The following TENM2 variants were observed in gnomAD, a reference collection of about 807,000 sequenced individuals.
TENM2 encodes the protein teneurin-2.
TENM2 carries 52 observed loss-of-function variants against 245.2 expected under a neutral mutation model. That is an observed-to-expected ratio of 0.21 (90% confidence interval 0.17 to 0.27). The LOEUF is 0.27. Among genes scored for constraint, TENM2 ranks in the 10% least tolerant of loss-of-function variants. The pLI is 1.00. For missense variants in TENM2, 3,046 were observed against 3,666.8 expected (o/e 0.83, Z 4.37); for synonymous variants, 1,363 against 1,438.9 (o/e 0.95, Z 1.19).
chr5:167,886,491 T>C (rs1192419883), intron 3 of TENM2, among the ~76,000 whole-genome samples: 1 of 152,190 alleles, frequency 6.6e-6, no homozygotes, highest in Non-Finnish European at 1.5e-5. Context: ...GCATCTTTTA[T>C]AGTAAGAAGT....
chr5:167,365,400 A>G (rs1581851588), intron 1 of TENM2, among the ~76,000 whole-genome samples: 1 of 146,500 alleles, frequency 6.8e-6, no homozygotes, highest in East Asian at 1.9e-4. Context: ...AAAAACTCAA[A>G]TTAAGTAGAA....
the TENM2 span, among the ~76,000 whole-genome samples, chr5:167,075,489 C>T: frequency 6.6e-6 from 1 of 152,130 alleles, no homozygotes; most frequent in Admixed American, 6.5e-5. Flanking sequence ...GGCAAGGCTA[C>T]ATGGTGCTGG....
intron 2 of TENM2, among the ~76,000 whole-genome samples, chr5:167,647,701 C>T (rs1257542805): frequency 1.3e-5 from 2 of 152,132 alleles, no homozygotes; most frequent in African/African-American, 4.8e-5. Context: ...TCACAAGGGG[C>T]AAACATTCTC....
At chr5:167,168,774 T>G in the TENM2 span, among the ~76,000 whole-genome samples, 1 of 152,208 alleles carries the variant, frequency 6.6e-6, no homozygotes, top group Non-Finnish European at 1.5e-5. Context: ...AATTTATGTT[T>G]TTTGAGACAG....
chr5:167,688,162 T>G (rs1757199167), intron 2 of TENM2, among the ~76,000 whole-genome samples: 1 of 152,222 alleles, frequency 6.6e-6, no homozygotes, highest in Non-Finnish European at 1.5e-5. Context: ...CCCCAGTTTG[T>G]TCTCAGGAAG....
intron 2 of TENM2, among the ~76,000 whole-genome samples, chr5:167,466,461 C>T (rs1396600338): frequency 6.6e-6 from 1 of 152,176 alleles, no homozygotes; most frequent in East Asian, 1.9e-4. Flanking sequence ...TGTCTCAATG[C>T]ATACAATGAA....
At chr5:168,184,630 T>G (rs983699627) in intron 13 of TENM2, among the ~76,000 whole-genome samples, 1 of 152,190 alleles carries the variant, frequency 6.6e-6, no homozygotes, top group Non-Finnish European at 1.5e-5. Flanking sequence ...CCATTTCCTA[T>G]GAGAATGATG....
rs1491457343 is a variant in TENM2, at chr5:167,831,982, CGA to C, written c.503-44003_503-44002del. On this transcript the variant is annotated intron_variant, in intron 2 of 28. Coordinates refer to ENST00000518659, the Ensembl canonical transcript of TENM2. Reference sequence around the variant, plus strand: ...ATGATGCCAATTGAGAGAGAATGGACGAAAAAAAAAAAAAATATTTAGCATCC... The same window carrying C: ...ATGATGCCAATTGAGAGAGAATGGACAAAAAAAAAAAAATATTTAGCATCC... 1.9e-3 allele frequency among the ~76,000 whole-genome samples: 237 copies of C among 122,868 alleles called. 1 individual carries two copies. Among genetic ancestry groups the C allele is most frequent in the African/African-American group, 6.8e-3 (230 of 34,058 alleles). The allele number at this position is 122,868 out of a possible 152,430, so 80.6% of individuals were successfully genotyped here. A position where few individuals can be genotyped will look rare whatever the true frequency, so the allele number is the denominator to read the frequency against.
the TENM2 span, among the ~76,000 whole-genome samples, chr5:167,013,305 G>T: frequency 1.3e-5 from 2 of 151,950 alleles, no homozygotes; most frequent in Admixed American, 1.3e-4. Context: ...TAATCAAAAC[G>T]GGCCATAACT....
chr5:168,113,934 A>G (rs1794871845), intron 9 of TENM2, among the ~76,000 whole-genome samples: 1 of 152,240 alleles, frequency 6.6e-6, no homozygotes, highest in South Asian at 2.1e-4. Flanking sequence ...ATACCTGACC[A>G]ATCACAACCA....
At chr5:167,712,548 C>A (rs961164914) in intron 2 of TENM2, among the ~76,000 whole-genome samples, 16 of 152,122 alleles carry the variant, frequency 1.1e-4, no homozygotes, top group African/African-American at 3.9e-4. Flanking sequence ...AGTTTTGCTT[C>A]ATTTTTTGTT....
exon 27 of TENM2, chr5:168,248,271 G>T: frequency 6.2e-7 from 1 of 1,614,032 alleles, no homozygotes; most frequent in Admixed American, 1.7e-5. Context: ...ACTATACCAT[G>T]TGGAAAAACG....
intron 4 of TENM2, among the ~76,000 whole-genome samples, chr5:167,970,690 G>A (rs574717737): frequency 6.6e-6 from 1 of 152,252 alleles, no homozygotes; most frequent in East Asian, 1.9e-4. Flanking sequence ...GCTCCATAAT[G>A]AGTATAGGTA....
intron 2 of TENM2, among the ~76,000 whole-genome samples, chr5:167,716,233 C>A (rs1582825831): frequency 6.6e-6 from 1 of 152,174 alleles, no homozygotes; most frequent in Non-Finnish European, 1.5e-5. Flanking sequence ...TTGATGATGA[C>A]TGGAAAACTG....
Position 167,991,577 on chromosome 5 carries a change from G to C in TENM2, c.948-1367G>C, listed in dbSNP as rs78897566. Among the ~76,000 whole-genome samples, 1,351 of 152,286 alleles carry C rather than the reference G, an allele frequency of 8.9e-3. 21 individuals carry two copies. Among genetic ancestry groups the C allele is most frequent in the Middle Eastern group, 0.041 (12 of 294 alleles). On this transcript the variant is annotated intron_variant, in intron 4 of 28. Transcript: ENST00000518659. ...ATGGTCCTTCCTTAAAGTGCCCTTGGAGCGACAGACTCCCGACCCTGAGGA... is the reference window on the plus strand; with the variant it reads ...ATGGTCCTTCCTTAAAGTGCCCTTGCAGCGACAGACTCCCGACCCTGAGGA...
intron 2 of TENM2, among the ~76,000 whole-genome samples, chr5:167,679,903 C>CT (rs1208249401): frequency 6.6e-6 from 1 of 152,070 alleles, no homozygotes; most frequent in African/African-American, 2.4e-5. Flanking sequence ...GGTGGTAATG[C>CT]TTTTTTAAGT....
intron 2 of TENM2, among the ~76,000 whole-genome samples, chr5:167,528,225 G>T (rs1771251708): frequency 6.6e-6 from 1 of 152,158 alleles, no homozygotes; most frequent in African/African-American, 2.4e-5. Context: ...ATTCATCTTA[G>T]ATAAGAAAGG....
rs1312021999 is a variant in TENM2 at position 167,438,960 on chromosome 5, GT to G, written c.502+63493del. ...AGGCGCCCACCACCACGCTCGGCTA[GT>G]TTTTTGTATTTTTAGTAGAAACGCG... On this transcript the variant is annotated intron_variant, in intron 2 of 28. Coordinates refer to ENST00000518659, the Ensembl canonical transcript of TENM2. Among the ~76,000 whole-genome samples the G allele has an allele frequency of 6.6e-5, 10 of 151,774 alleles. 1 individual carries two copies. The highest frequency in any genetic ancestry group is 5.2e-4 in the Admixed American group (8 of 15,252).
At chr5:167,520,611 A>G (rs1396206231) in intron 2 of TENM2, among the ~76,000 whole-genome samples, 4 of 152,070 alleles carry the variant, frequency 2.6e-5, no homozygotes, top group Non-Finnish European at 5.9e-5. Context: ...TGTTCCTGAT[A>G]CCAAAAGGTT....
Sources: allele counts gnomAD v4.1 joint callset (sites outside exome capture counted in the v4.1 genomes callset), GRCh38; gene constraint gnomAD v4.1.1; transcripts MANE v1.5; gene names NCBI Gene and HGNC (gene_info 2026-07-23, HGNC 2026-07-21).